Variants in CCDC77 observed in about 807,000 individuals in gnomAD.
CCDC77 encodes the protein coiled-coil domain containing 77, also known as coiled-coil domain-containing protein 77.
A neutral mutation model predicts 66.8 loss-of-function variants in CCDC77; 56 were observed. That is an observed-to-expected ratio of 0.84 (90% CI 0.68 to 1.05). The LOEUF is 1.05. Among genes scored for constraint, CCDC77 ranks in the 50% least tolerant of loss-of-function variants. The probability of loss-of-function intolerance (pLI) is 0.00; values close to 1 mark genes in which losing one functional copy is unlikely to be tolerated. For missense variants in CCDC77, 570 were observed against 576.8 expected (o/e 0.99, Z 0.12); for synonymous variants, 196 against 195.2 (o/e 1.00, Z -0.03).
rs71447486 is a variant in CCDC77 at position 427,388 on chromosome 12, T to C, written c.414-1381T>C. Among the ~76,000 whole-genome samples the C allele has an allele frequency of 5.6e-3, 856 of 152,212 alleles. 7 individuals carry two copies. The highest frequency in any genetic ancestry group is 9.7e-3 in the Non-Finnish European group (660 of 68,000). On this transcript the variant is annotated intron_variant, in intron 5 of 12. Coordinates refer to ENST00000239830, the MANE Select transcript of CCDC77 (RefSeq NM_032358.4). ...TACTCTGTTGACTACCCATCTACCT[T>C]GCTGCTAGAAACGCCACGTTCTGTA... is the stretch of plus-strand genomic sequence containing the variant.
chr12:432,257 G>C (rs1342539058), intron 8 of CCDC77, among the ~76,000 whole-genome samples: 1 of 152,170 alleles, frequency 6.6e-6, no homozygotes, highest in African/African-American at 2.4e-5. Flanking sequence ...GATTGCAGAG[G>C]GAAGCTTGTC....
At chr12:419,202 G>A (rs1945346259) in intron 5 of CCDC77, among the ~76,000 whole-genome samples, 1 of 152,140 alleles carries the variant, frequency 6.6e-6, no homozygotes, top group South Asian at 2.1e-4. Context: ...ACCCCCATAG[G>A]GAGCACTAAG....
rs751867983 is a variant in CCDC77, at chr12:433,269, A to G, written c.768A>G (p.Glu256=). ...LIEDRRIHLE[E]IQVQHQRNQN... Reference sequence around the variant, plus strand: ...AGGACAGACGGATTCACCTTGAGGAAATACAAGTTCAGCACCAGAGAAATC... The same window carrying G: ...AGGACAGACGGATTCACCTTGAGGAGATACAAGTTCAGCACCAGAGAAATC... Residue 256 remains glutamate (E), a synonymous_variant, in exon 9 of 13, where the codon GAA becomes GAG. Coordinates refer to ENST00000239830, the MANE Select transcript of CCDC77 (RefSeq NM_032358.4). The G allele has an allele frequency of 1.1e-5, 18 of 1,614,112 alleles. No individual in the cohort carries two copies. The highest frequency in any genetic ancestry group is 1.5e-5 in the Non-Finnish European group (18 of 1,180,028).
upstream of CCDC77, among the ~76,000 whole-genome samples, chr12:398,851 C>A (rs993830439): frequency 1.3e-5 from 2 of 151,954 alleles, no homozygotes; most frequent in Non-Finnish European, 2.9e-5. Context: ...CCTTGGTCTC[C>A]CAGGCTCAAG....
At chr12:416,009 T>C (rs1458096057) in intron 4 of CCDC77, among the ~76,000 whole-genome samples, 1 of 151,856 alleles carries the variant, frequency 6.6e-6, no homozygotes, top group African/African-American at 2.4e-5. Flanking sequence ...TTTCACCATG[T>C]TGGCCAGGGT....
At chr12:435,788 G>A (rs928926053) in intron 9 of CCDC77, among the ~76,000 whole-genome samples, 2 of 152,158 alleles carry the variant, frequency 1.3e-5, no homozygotes, top group Non-Finnish European at 2.9e-5. Context: ...GCCCAGGCTG[G>A]AGTGCAGTGG....
chr12:402,756 G>T (rs1254345928), intron 1 of CCDC77, among the ~76,000 whole-genome samples: 1 of 152,218 alleles, frequency 6.6e-6, no homozygotes, highest in African/African-American at 2.4e-5. Context: ...GTGTGGGTAA[G>T]AAGTATTGAG....
At chr12:418,918 C>T (rs954682645) in intron 5 of CCDC77, 14 of 321,954 alleles carry the variant, frequency 4.3e-5, no homozygotes, top group African/African-American at 2.1e-4. Flanking sequence ...ACGCTGGTCT[C>T]GAACTCTTGG....
chr12:389,426 G>C, exon 1 of CCDC77: 1 of 490,560 alleles, frequency 2.0e-6, no homozygotes. Flanking sequence ...CAGTGTGGCT[G>C]TTTGTCTCCT....
At chr12:425,232 C>T (rs1005043766) in intron 5 of CCDC77, among the ~76,000 whole-genome samples, 1 of 147,250 alleles carries the variant, frequency 6.8e-6, no homozygotes, top group African/African-American at 2.7e-5. Flanking sequence ...CACCCAGCCT[C>T]GCCACGTGGG....
chr12:431,212 C>CTTTT (rs61068771), intron 7 of CCDC77, among the ~76,000 whole-genome samples: 3 of 115,794 alleles, frequency 2.6e-5, no homozygotes, highest in African/African-American at 5.8e-5. Flanking sequence ...TTGCTCAGTT[C>CTTTT]TTTTTTTTTT....
chr12:392,902 C>G (rs1416439764), intron 1 of CCDC77, among the ~76,000 whole-genome samples: 1 of 151,130 alleles, frequency 6.6e-6, no homozygotes, highest in Non-Finnish European at 1.5e-5. Context: ...AAAATAATAA[C>G]TATATTTTCC....
intron 5 of CCDC77, among the ~76,000 whole-genome samples, chr12:423,471 TTTTTTGTGTTTTTTTTTGTTTTG>T (rs1420058729): frequency 0.027 from 1,444 of 53,342 alleles, 145 homozygotes; most frequent in South Asian, 0.056. Flanking sequence ...GTTTTTTGTG[TTTTTTGTGTTTTTTTTTGTTTTG>T]TTTTTTTTTT....
chr12:409,869 GCA>G (rs1329458996), intron 3 of CCDC77: 3 of 153,890 alleles, frequency 1.9e-5, no homozygotes, highest in African/African-American at 7.4e-5. Flanking sequence ...ATGGTGGTGT[GCA>G]CCTGTAATCT....
intron 4 of CCDC77, among the ~76,000 whole-genome samples, chr12:416,371 G>GTA (rs1945272960): frequency 2.2e-4 from 6 of 27,650 alleles, no homozygotes; most frequent in South Asian, 1.2e-3. Flanking sequence ...GTGTGTGTGT[G>GTA]TGTGTGTATA....
upstream of CCDC77, among the ~76,000 whole-genome samples, chr12:399,817 A>G (rs1285254856): frequency 6.6e-6 from 1 of 152,234 alleles, no homozygotes; most frequent in Non-Finnish European, 1.5e-5. Flanking sequence ...CTAGGATTTC[A>G]GGGATGTAAA....
intron 4 of CCDC77, 59 bp from the exon 5 acceptor site, chr12:418,435 G>T: frequency 6.5e-7 from 1 of 1,540,500 alleles, no homozygotes; most frequent in South Asian, 1.1e-5. Context: ...CCTATCCAGT[G>T]AGAGATACTC....
intron 1 of CCDC77, among the ~76,000 whole-genome samples, chr12:402,030 T>G (rs959955610): frequency 3.9e-5 from 6 of 152,166 alleles, no homozygotes; most frequent in Admixed American, 3.3e-4. Flanking sequence ...TAAGGGATAG[T>G]GAAAATACTG....
intron 3 of CCDC77, 123 bp downstream of exon 3, chr12:409,544 G>A: frequency 1.2e-6 from 1 of 869,256 alleles, no homozygotes; most frequent in South Asian, 1.5e-5. Flanking sequence ...TTGAGACAGA[G>A]TTTCACTCTG....
Sources: allele counts gnomAD v4.1 joint callset (sites outside exome capture counted in the v4.1 genomes callset), GRCh38; gene constraint gnomAD v4.1.1; transcripts MANE v1.5; gene names NCBI Gene and HGNC (gene_info 2026-07-23, HGNC 2026-07-21).